Variants in KLF12 observed in about 807,000 individuals in gnomAD.
The protein encoded by KLF12 is Krueppel-like factor 12.
A neutral mutation model predicts 37.8 loss-of-function variants in KLF12; 9 were observed. The ratio of observed to expected loss-of-function variants is 0.24; its 90% CI spans 0.14 to 0.42. The LOEUF is 0.42. Among genes scored for constraint, KLF12 ranks in the 10% least tolerant of loss-of-function variants. The pLI is 1.00. For missense variants in KLF12, 411 were observed against 516.0 expected, an observed-to-expected ratio of 0.80 and a Z score of 1.97; for synonymous variants, 208 against 202.1, an observed-to-expected ratio of 1.03 and a Z score of -0.25.
At chr13:73,838,693 T>C (rs1410200424) in intron 4 of KLF12, among the ~76,000 whole-genome samples, 1 of 152,196 alleles carries the variant, frequency 6.6e-6, no homozygotes. Context: ...TAAATTTGCA[T>C]GAAAGAAAAT....
At chr13:74,093,891 T>C (rs1016123052) in intron 1 of KLF12, among the ~76,000 whole-genome samples, 1 of 152,060 alleles carries the variant, frequency 6.6e-6, no homozygotes, top group African/African-American at 2.4e-5. Context: ...CCACAAACAT[T>C]TGAAAGTCAT....
chr13:73,698,149 C>G (rs1326029842), intron 7 of KLF12, among the ~76,000 whole-genome samples: 1 of 149,670 alleles, frequency 6.7e-6, no homozygotes, highest in African/African-American at 2.5e-5. Flanking sequence ...AGAGTATGAC[C>G]CCGAAAGAAA....
the KLF12 span, among the ~76,000 whole-genome samples, chr13:74,180,510 A>G: frequency 6.6e-6 from 1 of 152,248 alleles, no homozygotes; most frequent in Non-Finnish European, 1.5e-5. Context: ...GAAAACCATC[A>G]GATTATGTTT....
chr13:73,750,745 C>T (rs1206340627), intron 6 of KLF12, among the ~76,000 whole-genome samples: 2 of 129,782 alleles, frequency 1.5e-5, no homozygotes, highest in African/African-American at 7.0e-5. Context: ...CTAGGTATTA[C>T]GCCCAGAATG....
At chr13:73,851,936 G>A (rs1035863384) in intron 3 of KLF12, among the ~76,000 whole-genome samples, 2 of 152,094 alleles carry the variant, frequency 1.3e-5, no homozygotes, top group African/African-American at 2.4e-5. Flanking sequence ...GCTTAGTTTT[G>A]GTGCCTGGGT....
chr13:74,015,509 C>A (rs142634668), intron 1 of KLF12, among the ~76,000 whole-genome samples: 1 of 152,062 alleles, frequency 6.6e-6, no homozygotes, highest in Non-Finnish European at 1.5e-5. Flanking sequence ...CACCCTAGTG[C>A]GCCCATGAGT....
In KLF12 at chr13:74,106,425, T is replaced by C. The variant is rs564650126; in HGVS notation, c.-32+27314A>G. 1.2e-4 allele frequency among the ~76,000 whole-genome samples: 19 copies of C among 152,326 alleles called. 1 individual carries two copies. In the South Asian group the frequency reaches 3.9e-3, roughly 32 times the overall value. On this transcript the variant is annotated intron_variant, in intron 1 of 7. Transcript: ENST00000377669. Reference sequence around the variant, plus strand: ...AGGAAATTAATAGTTTCTACCATAATAAAATTCAGACCAATCTGGGGAACT... The same window carrying C: ...AGGAAATTAATAGTTTCTACCATAACAAAATTCAGACCAATCTGGGGAACT...
intron 7 of KLF12, among the ~76,000 whole-genome samples, chr13:73,697,109 A>ACACACG (rs1208430416): frequency 6.6e-6 from 1 of 151,842 alleles, no homozygotes; most frequent in Non-Finnish European, 1.5e-5. Context: ...ACACACACAC[A>ACACACG]CACAAATACA....
At chr13:74,292,136 T>G in the KLF12 span, among the ~76,000 whole-genome samples, 1 of 152,214 alleles carries the variant, frequency 6.6e-6, no homozygotes, top group Non-Finnish European at 1.5e-5. Flanking sequence ...CTGTATCCAC[T>G]GTACTTGAAC....
At chr13:74,177,187 A>C in the KLF12 span, among the ~76,000 whole-genome samples, 1 of 152,214 alleles carries the variant, frequency 6.6e-6, no homozygotes, top group Non-Finnish European at 1.5e-5. Context: ...AAAACATGAA[A>C]ATTGACTTTA....
At chr13:74,082,942 T>C (rs947391304) in intron 1 of KLF12, among the ~76,000 whole-genome samples, 2 of 152,144 alleles carry the variant, frequency 1.3e-5, no homozygotes, top group African/African-American at 4.8e-5. Flanking sequence ...GTTGCTACAT[T>C]AAGCAAAGCA....
intron 1 of KLF12, among the ~76,000 whole-genome samples, chr13:74,016,528 ATT>A (rs1892692320): frequency 6.6e-6 from 1 of 151,916 alleles, no homozygotes; most frequent in South Asian, 2.1e-4. Context: ...TGCCCAGCTA[ATT>A]TTTTAAATTT....
intron 1 of KLF12, among the ~76,000 whole-genome samples, chr13:74,091,377 T>C (rs966598959): frequency 1.6e-4 from 25 of 152,338 alleles, no homozygotes; most frequent in African/African-American, 5.8e-4. Flanking sequence ...CTTTTTATAA[T>C]ACCTCCGTAG....
intron 2 of KLF12, among the ~76,000 whole-genome samples, chr13:73,989,281 T>C (rs1257900036): frequency 2.0e-5 from 3 of 152,242 alleles, no homozygotes; most frequent in African/African-American, 7.2e-5. Flanking sequence ...GAGAGGCAAC[T>C]GGGAGCTGAC....
chr13:74,148,276 C>T, the KLF12 span, among the ~76,000 whole-genome samples: 3 of 151,954 alleles, frequency 2.0e-5, no homozygotes, highest in East Asian at 5.8e-4. Flanking sequence ...CTTCAGCATA[C>T]AACATGCTAT....
chr13:73,704,331 G>T (rs748488193), intron 7 of KLF12, among the ~76,000 whole-genome samples: 1 of 152,130 alleles, frequency 6.6e-6, no homozygotes, highest in Non-Finnish European at 1.5e-5. Context: ...CTCAGCATTT[G>T]CCACCTAAAC....
chr13:73,721,973 C>T (rs1262587756), intron 6 of KLF12, among the ~76,000 whole-genome samples: 1 of 152,110 alleles, frequency 6.6e-6, no homozygotes, highest in Non-Finnish European at 1.5e-5. Context: ...CAAAATTAGT[C>T]CCTTCCCTGA....
rs574987375 is a variant in KLF12, at chr13:73,766,306, C to G, written c.807-1306G>C. On this transcript the variant is annotated intron_variant, in intron 5 of 7. Transcript: ENST00000377669. ...AAGGATCACCTGTTGGTCTCGGCGT[C>G]CAGCCAAACTGGGGCCTAGTGGAAA... 7.9e-4 allele frequency among the ~76,000 whole-genome samples: 120 copies of G among 152,246 alleles called. 1 individual carries two copies. The South Asian group carries it at 0.024, about 31-fold the overall frequency.
intron 4 of KLF12, among the ~76,000 whole-genome samples, chr13:73,835,756 G>C (rs1397221501): frequency 6.6e-6 from 1 of 152,096 alleles, no homozygotes; most frequent in Non-Finnish European, 1.5e-5. Context: ...ACAAGTTAAT[G>C]AACAAAAGTT....
Sources: allele counts gnomAD v4.1 joint callset (sites outside exome capture counted in the v4.1 genomes callset), GRCh38; gene constraint gnomAD v4.1.1; transcripts MANE v1.5; gene names NCBI Gene and HGNC (gene_info 2026-07-23, HGNC 2026-07-21).